Variants in SMYD2 observed in about 807,000 individuals in gnomAD.
SMYD2 encodes N-lysine methyltransferase SMYD2.
Under a neutral mutation model 59.1 loss-of-function variants are expected in SMYD2, and 53 were observed. The observed-to-expected ratio is 0.90, with a 90% CI of 0.72 to 1.13. SMYD2 has a LOEUF of 1.13. SMYD2 is among the 50% of genes most tolerant of loss of function. The pLI is 0.00. For synonymous variants in SMYD2, 208 were observed against 198.8 expected, an observed-to-expected ratio of 1.05 and a Z score of -0.39; for missense variants, 494 against 544.7, an observed-to-expected ratio of 0.91 and a Z score of 0.93.
intron 5 of SMYD2, among the ~76,000 whole-genome samples, chr1:214,321,796 G>A (rs6687629): frequency 0.41 from 61,795 of 152,126 alleles, 13,217 homozygotes; most frequent in African/African-American, 0.45. Context: ...AAAAAAGACT[G>A]TGGACCATGC....
chr1:214,284,571 T>C (rs1212100361), intron 1 of SMYD2, among the ~76,000 whole-genome samples: 1 of 151,006 alleles, frequency 6.6e-6, no homozygotes, highest in Non-Finnish European at 1.5e-5. Context: ...TTTAGACTTT[T>C]TTTTTTTTTT....
intron 5 of SMYD2, 122 bp downstream of exon 5, chr1:214,319,105 C>G (rs1657130740): frequency 7.5e-7 from 1 of 1,328,438 alleles, no homozygotes; most frequent in Non-Finnish European, 1.0e-6. Context: ...GACAACGAAG[C>G]TCTGAGCCAA....
At chr1:214,310,216 A>C (rs1285473698) in intron 2 of SMYD2, among the ~76,000 whole-genome samples, 1 of 152,234 alleles carries the variant, frequency 6.6e-6, no homozygotes, top group Admixed American at 6.5e-5. Context: ...GCAACTCTTT[A>C]TGCATCTTTA....
At chr1:214,296,419 G>A (rs1656728347) in intron 1 of SMYD2, among the ~76,000 whole-genome samples, 2 of 152,100 alleles carry the variant, frequency 1.3e-5, no homozygotes, top group South Asian at 4.1e-4. Flanking sequence ...AGTTCAAAGA[G>A]CCCTTCTGTT....
intron 1 of SMYD2, among the ~76,000 whole-genome samples, chr1:214,283,202 G>A (rs1656476821): frequency 6.6e-6 from 1 of 152,190 alleles, no homozygotes; most frequent in African/African-American, 2.4e-5. Context: ...CCCAACCTTA[G>A]AACATTAATG....
chr1:214,288,347 C>G (rs906868805), intron 1 of SMYD2, among the ~76,000 whole-genome samples: 1 of 152,186 alleles, frequency 6.6e-6, no homozygotes, highest in Admixed American at 6.5e-5. Context: ...AGTGGTTTCT[C>G]TGAATTTCAC....
chr1:214,319,821 G>C (rs1218234198), intron 5 of SMYD2, among the ~76,000 whole-genome samples: 1 of 152,198 alleles, frequency 6.6e-6, no homozygotes, highest in Non-Finnish European at 1.5e-5. Flanking sequence ...TTAGAATTCT[G>C]CTCCATGGGA....
chr1:214,301,233 T>G (rs987060181), intron 1 of SMYD2, among the ~76,000 whole-genome samples: 1 of 152,166 alleles, frequency 6.6e-6, no homozygotes, highest in Non-Finnish European at 1.5e-5. Flanking sequence ...AGATACGTAA[T>G]TGGTAAGAGA....
chr1:214,320,535 A>G (rs1054602705), intron 5 of SMYD2, among the ~76,000 whole-genome samples: 33 of 152,208 alleles, frequency 2.2e-4, no homozygotes, highest in African/African-American at 8.0e-4. Flanking sequence ...CTGAGGTAGG[A>G]GGATCACTTG....
chr1:214,293,588 A>C (rs1481441324), intron 1 of SMYD2, among the ~76,000 whole-genome samples: 1 of 152,122 alleles, frequency 6.6e-6, no homozygotes, highest in Non-Finnish European at 1.5e-5. Context: ...TTCTGCTCTC[A>C]GTTCCAGGTC....
intron 5 of SMYD2, among the ~76,000 whole-genome samples, chr1:214,320,210 TA>T (rs1420897728): frequency 1.3e-5 from 2 of 152,200 alleles, no homozygotes; most frequent in African/African-American, 2.4e-5. Context: ...CACGACTGTC[TA>T]AACTTGGGAA....
chr1:214,334,270 C>T lies in SMYD2; in HGVS notation c.1183C>T (p.Leu395=), dbSNP rs367808431. The T allele has an allele frequency of 1.3e-5, 21 of 1,613,824 alleles. No individual in the cohort carries two copies. Among genetic ancestry groups the T allele is most frequent in the Non-Finnish European group, 1.7e-5 (20 of 1,180,020 alleles). The stretch of plus-strand genomic sequence containing the variant: ...GAAGCTAGGGAGACTCTACATGGGC[C>T]TGGAACACAAAGCCGCAGGGGAGAA... ...WLKLGRLYMG[L]EHKAAGEKAL... Residue 395 remains leucine (L), a synonymous_variant, in exon 11 of 12, where the codon CTG becomes TTG. Transcript: ENST00000366957.
chr1:214,328,817 T>C (rs867444), intron 7 of SMYD2, among the ~76,000 whole-genome samples: 44,114 of 152,084 alleles, frequency 0.29, 6,725 homozygotes, highest in Non-Finnish European at 0.34. Flanking sequence ...CCCTTTCGGC[T>C]GGGGTGTCTG....
intron 1 of SMYD2, among the ~76,000 whole-genome samples, chr1:214,295,247 A>G (rs189150701): frequency 5.3e-5 from 8 of 152,328 alleles, no homozygotes; most frequent in Admixed American, 1.3e-4. Flanking sequence ...GTGTACATTC[A>G]TTCTTTGGAC....
chr1:214,307,720 C>G (rs1312471676), intron 2 of SMYD2, among the ~76,000 whole-genome samples: 1 of 152,148 alleles, frequency 6.6e-6, no homozygotes, highest in East Asian at 1.9e-4. Flanking sequence ...TTGAGATGCC[C>G]TTTATGGTTT....
At chr1:214,284,652 C>T (rs1022498012) in intron 1 of SMYD2, among the ~76,000 whole-genome samples, 1 of 151,736 alleles carries the variant, frequency 6.6e-6, no homozygotes, top group African/African-American at 2.4e-5. Context: ...CTGCAACCTC[C>T]GCCTCCCGGG....
chr1:214,326,227 G>A (rs1364916812), intron 6 of SMYD2, among the ~76,000 whole-genome samples: 11 of 128,552 alleles, frequency 8.6e-5, no homozygotes, highest in African/African-American at 3.0e-4. Context: ...AACAAACCGA[G>A]ACTCCATCTC....
intron 3 of SMYD2, among the ~76,000 whole-genome samples, chr1:214,315,959 G>T (rs977335163): frequency 6.6e-6 from 1 of 152,170 alleles, no homozygotes; most frequent in African/African-American, 2.4e-5. Flanking sequence ...TCTCCGCCTG[G>T]TCTGGTTCAT....
intron 5 of SMYD2, among the ~76,000 whole-genome samples, chr1:214,319,774 C>T (rs1196715812): frequency 6.6e-6 from 1 of 152,134 alleles, no homozygotes; most frequent in Non-Finnish European, 1.5e-5. Context: ...ACAAACTGGG[C>T]ATCTAGTTTA....
Sources: allele counts gnomAD v4.1 joint callset (sites outside exome capture counted in the v4.1 genomes callset), GRCh38; gene constraint gnomAD v4.1.1; transcripts MANE v1.5; gene names NCBI Gene and HGNC (gene_info 2026-07-23, HGNC 2026-07-21).